TMEM217B: variants seen among roughly 807,000 people sequenced by gnomAD.
TMEM217B encodes the protein transmembrane protein 217B, also known as putative transmembrane protein 217B.
At chr6:37,216,571 A>G in the TMEM217B span, among the ~76,000 whole-genome samples, 2 of 152,208 alleles carry the variant, frequency 1.3e-5, no homozygotes, top group African/African-American at 4.8e-5. Context: ...GAGCACCTGG[A>G]TGGAGGACAG....
chr6:37,252,063 T>C, the TMEM217B span, among the ~76,000 whole-genome samples: 13 of 152,160 alleles, frequency 8.5e-5, no homozygotes, highest in African/African-American at 2.7e-4. Context: ...CCAGCTAATT[T>C]TGTAATTTTA....
chr6:37,218,044 G>A, the TMEM217B span: 1 of 999,892 alleles, frequency 1.0e-6, no homozygotes, highest in East Asian at 1.1e-4. Flanking sequence ...TCTACTTGCA[G>A]AACTGCTAAG....
At chr6:37,240,525 G>A in the TMEM217B span, among the ~76,000 whole-genome samples, 1 of 152,272 alleles carries the variant, frequency 6.6e-6, no homozygotes, top group South Asian at 2.1e-4. Flanking sequence ...CAAAATGGAA[G>A]CTGCACTGTC....
the TMEM217B span, among the ~76,000 whole-genome samples, chr6:37,217,353 A>C: frequency 6.6e-6 from 1 of 152,218 alleles, no homozygotes; most frequent in Admixed American, 6.5e-5. Flanking sequence ...ATGTCTGTTT[A>C]TTTGTGATAG....
At chr6:37,244,238 G>A in the TMEM217B span, among the ~76,000 whole-genome samples, 2,955 of 152,294 alleles carry the variant, frequency 0.019, 46 homozygotes, top group Non-Finnish European at 0.031. Context: ...TTATGCATAG[G>A]AATGAACAAG....
the TMEM217B span, among the ~76,000 whole-genome samples, chr6:37,247,460 T>G: frequency 6.6e-6 from 1 of 150,742 alleles, no homozygotes; most frequent in South Asian, 2.1e-4. Flanking sequence ...CGACCTCAGC[T>G]CACTGCAACC....
chr6:37,215,570 CAAAAAAAAAAAAAAAAA>C, the TMEM217B span, among the ~76,000 whole-genome samples: 7 of 72,374 alleles, frequency 9.7e-5, no homozygotes, highest in African/African-American at 4.2e-4. Flanking sequence ...GACTCTGTCT[CAAAAAAAAAAAAAAAAA>C]AAAAAAAAAA....
chr6:37,230,438 GC>G, the TMEM217B span, among the ~76,000 whole-genome samples: 1 of 152,148 alleles, frequency 6.6e-6, no homozygotes, highest in Non-Finnish European at 1.5e-5. Flanking sequence ...CCGCAGCACT[GC>G]AGAATGTGAC....
the TMEM217B span, among the ~76,000 whole-genome samples, chr6:37,240,931 A>T: frequency 6.6e-6 from 1 of 151,978 alleles, no homozygotes; most frequent in African/African-American, 2.4e-5. Context: ...AAAATATTTT[A>T]ATTTTTGTAT....
At chr6:37,218,292 T>C in the TMEM217B span, 1 of 1,195,494 alleles carries the variant, frequency 8.4e-7, no homozygotes, top group Non-Finnish European at 1.1e-6. Context: ...TCTCAGCCTC[T>C]CAAGTGGCTG....
chr6:37,232,690 AAAGAGG>A, the TMEM217B span, among the ~76,000 whole-genome samples: 1 of 152,184 alleles, frequency 6.6e-6, no homozygotes, highest in Non-Finnish European at 1.5e-5. Flanking sequence ...CCTTTGTTAC[AAAGAGG>A]AAGTATCTTT....
the TMEM217B span, chr6:37,218,686 G>C: frequency 1.9e-5 from 31 of 1,613,952 alleles, no homozygotes; most frequent in Non-Finnish European, 8.5e-7. Flanking sequence ...AGTCATTGTT[G>C]GTGAGGATTT....
At chr6:37,240,493 T>C in the TMEM217B span, among the ~76,000 whole-genome samples, 1 of 149,756 alleles carries the variant, frequency 6.7e-6, no homozygotes, top group African/African-American at 2.4e-5. Flanking sequence ...GAGTAAGTGA[T>C]GAGAGAGAGA....
chr6:37,212,992 A>G, the TMEM217B span: 1 of 1,536,526 alleles, frequency 6.5e-7, no homozygotes, highest in South Asian at 1.2e-5. Context: ...TTACCAGAGC[A>G]CCTCCTGCAG....
chr6:37,257,667 ACCGGTCGG>A, the TMEM217B span: 1 of 521,162 alleles, frequency 1.9e-6, no homozygotes, highest in Non-Finnish European at 3.4e-6. Flanking sequence ...CCCTGACGTT[ACCGGTCGG>A]CTTCAGCGGC....
At chr6:37,241,881 TAAATTTGC>T in the TMEM217B span, among the ~76,000 whole-genome samples, 1 of 152,222 alleles carries the variant, frequency 6.6e-6, no homozygotes, top group African/African-American at 2.4e-5. Flanking sequence ...TGTAACCGTG[TAAATTTGC>T]ACTGTAACTA....
the TMEM217B span, chr6:37,257,992 G>A: frequency 1.2e-6 from 2 of 1,613,612 alleles, no homozygotes; most frequent in African/African-American, 1.3e-5. Flanking sequence ...AGGACGCTGA[G>A]AGGGATAGGG....
chr6:37,223,697 C>T, the TMEM217B span, among the ~76,000 whole-genome samples: 2 of 152,042 alleles, frequency 1.3e-5, no homozygotes, highest in East Asian at 1.9e-4. Flanking sequence ...TTAGTAGAGA[C>T]GGGGTTTCAC....
chr6:37,241,291 TA>T, the TMEM217B span, among the ~76,000 whole-genome samples: 1 of 151,790 alleles, frequency 6.6e-6, no homozygotes, highest in African/African-American at 2.4e-5. Flanking sequence ...TTGCCCAGGC[TA>T]AAGGTGTTAC....
Sources: allele counts gnomAD v4.1 joint callset (sites outside exome capture counted in the v4.1 genomes callset), GRCh38; gene constraint gnomAD v4.1.1; transcripts MANE v1.5; gene names NCBI Gene and HGNC (gene_info 2026-07-23, HGNC 2026-07-21).